Variants in CLDN16 observed in about 807,000 individuals in gnomAD.
CLDN16 encodes the protein claudin-16.
CLDN16 carries 13 observed loss-of-function variants against 24.6 expected under a neutral mutation model. The ratio of observed to expected loss-of-function variants is 0.53; its 90% CI spans 0.34 to 0.84. The LOEUF is 0.84. CLDN16 is among the 40% of genes least tolerant of loss of function. The pLI is 0.01. For synonymous variants in CLDN16, 116 were observed against 106.7 expected, an observed-to-expected ratio of 1.09 and a Z score of -0.54; for missense variants, 298 against 292.7, an observed-to-expected ratio of 1.02 and a Z score of -0.13.
At chr3:190,309,321 A>G in the CLDN16 span, among the ~76,000 whole-genome samples, 100,290 of 152,160 alleles carry the variant, frequency 0.66, 34,048 homozygotes, top group African/African-American at 0.82. Flanking sequence ...AGCAGTTTCT[A>G]TTCTTACACT....
At chr3:190,367,270 A>G (rs2108645284) in intron 1 of CLDN16, among the ~76,000 whole-genome samples, 1 of 152,138 alleles carries the variant, frequency 6.6e-6, no homozygotes, top group Admixed American at 6.5e-5. Context: ...TAAATGTGAT[A>G]GAAAGCAAGA....
At chr3:190,393,527 A>C (rs1577424418) in intron 1 of CLDN16, among the ~76,000 whole-genome samples, 2 of 152,322 alleles carry the variant, frequency 1.3e-5, no homozygotes, top group Non-Finnish European at 2.9e-5. Context: ...GTGTATCTAA[A>C]GCATTTGCCA....
intron 1 of CLDN16, among the ~76,000 whole-genome samples, chr3:190,326,704 T>C (rs1318258728): frequency 3.3e-5 from 5 of 152,164 alleles, no homozygotes; most frequent in African/African-American, 1.2e-4. Context: ...TTCAGGGACA[T>C]AAAACTTCCC....
chr3:190,357,518 T>A (rs1025062854), intron 1 of CLDN16, among the ~76,000 whole-genome samples: 9 of 151,890 alleles, frequency 5.9e-5, no homozygotes, highest in African/African-American at 1.7e-4. Flanking sequence ...TCTTGAGGGA[T>A]CTTTCTAAAC....
At chr3:190,299,859 CCTT>C in the CLDN16 span, among the ~76,000 whole-genome samples, 5 of 152,110 alleles carry the variant, frequency 3.3e-5, no homozygotes, top group Admixed American at 2.6e-4. Context: ...TTTGCCTTAT[CCTT>C]CTTTTGCGTC....
At chr3:190,298,438 G>A in the CLDN16 span, among the ~76,000 whole-genome samples, 7 of 144,324 alleles carry the variant, frequency 4.9e-5, no homozygotes, top group African/African-American at 1.8e-4. Flanking sequence ...CGTGCAATGT[G>A]TCCTTCTGGG....
chr3:190,317,241 G>A, the CLDN16 span, among the ~76,000 whole-genome samples: 1 of 152,106 alleles, frequency 6.6e-6, no homozygotes, highest in Non-Finnish European at 1.5e-5. Context: ...GACTAAAGTT[G>A]TCTATGGAGA....
intron 3 of CLDN16, among the ~76,000 whole-genome samples, chr3:190,380,156 C>T (rs199868015): frequency 0.019 from 227 of 11,910 alleles, 10 homozygotes; most frequent in African/African-American, 0.08. Flanking sequence ...TTCCTTCCCT[C>T]CCTTCCTTCC....
Position 190,412,108 on chromosome 3 carries a change from T to A in CLDN16, c.*2072T>A, listed in dbSNP as rs976521023. On this transcript the variant is annotated 3_prime_UTR_variant, in exon 5 of 5. Transcript: ENST00000264734. ...ATGGATATGTGTGACTGTTTTGAAT[T>A]TTTTTCTCAATTAAAACATTTTGTA... 18 of 152,126 alleles carry A rather than the reference T, an allele frequency of 1.2e-4. No individual in the cohort carries two copies. The highest frequency in any genetic ancestry group is 1.1e-3 in the Admixed American group (17 of 15,288). 9.4% of individuals were successfully genotyped at this position (152,126 alleles called of 1,614,324 possible). A position where few individuals can be genotyped will look rare whatever the true frequency, so the allele number is the denominator to read the frequency against.
At chr3:190,323,426 C>A (rs1030859745) in intron 1 of CLDN16, among the ~76,000 whole-genome samples, 1 of 152,132 alleles carries the variant, frequency 6.6e-6, no homozygotes, top group Non-Finnish European at 1.5e-5. Flanking sequence ...CTCACCCCTC[C>A]GGTTTCGGTC....
chr3:190,411,311 G>A lies in CLDN16; in HGVS notation c.*1275G>A, dbSNP rs188089990. On this transcript the variant is annotated 3_prime_UTR_variant, in exon 5 of 5. Coordinates refer to ENST00000264734, the MANE Select transcript of CLDN16 (RefSeq NM_006580.4). ...ATATTCTTCATAAAATGTGGGTTTTGGGGAAAATATAGAATTACATATACA... is the reference window on the plus strand; with the variant it reads ...ATATTCTTCATAAAATGTGGGTTTTAGGGAAAATATAGAATTACATATACA... 3.6e-4 allele frequency: 55 copies of A among 152,118 alleles called. 1 individual carries two copies. The highest frequency in any genetic ancestry group is 1.3e-3 in the African/African-American group (54 of 41,528). The allele number at this position is 152,118 out of a possible 1,614,324, so 9.4% of individuals were successfully genotyped here.
upstream of CLDN16, among the ~76,000 whole-genome samples, chr3:190,319,900 G>T (rs1437988174): frequency 6.6e-6 from 1 of 152,172 alleles, no homozygotes; most frequent in Non-Finnish European, 1.5e-5. Flanking sequence ...AGCATCCCGT[G>T]AGTCACGGCA....
intron 1 of CLDN16, among the ~76,000 whole-genome samples, chr3:190,329,385 T>G (rs1717136185): frequency 6.6e-6 from 1 of 152,218 alleles, no homozygotes; most frequent in African/African-American, 2.4e-5. Flanking sequence ...ACATTACTTG[T>G]GTTCCTAAAG....
At chr3:190,330,428 T>A (rs891577826) in intron 1 of CLDN16, among the ~76,000 whole-genome samples, 24 of 152,204 alleles carry the variant, frequency 1.6e-4, no homozygotes, top group Admixed American at 3.3e-4. Flanking sequence ...TAGCTTCAGA[T>A]TGATGCATTC....
At chr3:190,378,072 C>T (rs1946325) in intron 3 of CLDN16, among the ~76,000 whole-genome samples, 113,401 of 151,928 alleles carry the variant, frequency 0.75, 42,378 homozygotes, top group East Asian at 0.83. Flanking sequence ...TATTTACTTA[C>T]TGGAAAAACT....
intron 1 of CLDN16, among the ~76,000 whole-genome samples, chr3:190,363,556 G>GTGTGTGTGTATATATA (rs1301414615): frequency 2.3e-5 from 2 of 87,400 alleles, no homozygotes; most frequent in African/African-American, 9.5e-5. Context: ...GTGTGTGTGT[G>GTGTGTGTGTATATATA]TATATATATA....
At chr3:190,303,483 T>G in the CLDN16 span, among the ~76,000 whole-genome samples, 1 of 152,154 alleles carries the variant, frequency 6.6e-6, no homozygotes, top group African/African-American at 2.4e-5. Context: ...AATTGGTGTG[T>G]GGGGGGGTTT....
At chr3:190,312,895 C>A in the CLDN16 span, 1 of 1,614,000 alleles carries the variant, frequency 6.2e-7, no homozygotes, top group African/African-American at 1.3e-5. Flanking sequence ...TATCGCACCC[C>A]CAATGACAGC....
chr3:190,291,554 C>G, the CLDN16 span, among the ~76,000 whole-genome samples: 1 of 152,104 alleles, frequency 6.6e-6, no homozygotes, highest in Non-Finnish European at 1.5e-5. Context: ...GTCCCTCCCT[C>G]AACACACAGG....
Sources: gnomAD v4.1 joint callset for allele counts (sites outside exome capture counted in the v4.1 genomes callset) on GRCh38, gnomAD v4.1.1 for gene constraint, MANE v1.5 for transcripts, NCBI Gene and HGNC (gene_info 2026-07-23, HGNC 2026-07-21) for gene names.